Variants in PARP8 observed in about 807,000 individuals in gnomAD.
The protein encoded by PARP8 is protein mono-ADP-ribosyltransferase PARP8.
A neutral mutation model predicts 124.1 loss-of-function variants in PARP8; 51 were observed. That is an observed-to-expected ratio of 0.41 (90% CI 0.33 to 0.52). The LOEUF is 0.52. PARP8 is among the 20% of genes least tolerant of loss of function. The pLI is 0.21. For missense variants in PARP8, 860 were observed against 1,018.9 expected (o/e 0.84, Z 2.12); for synonymous variants, 391 against 361.5 (o/e 1.08, Z -0.93).
intron 14 of PARP8, among the ~76,000 whole-genome samples, chr5:50,804,312 A>G (rs1487569099): frequency 6.6e-6 from 1 of 152,192 alleles, no homozygotes; most frequent in Non-Finnish European, 1.5e-5. Flanking sequence ...CCAGAGAACT[A>G]TCAGACAGCT....
chr5:50,796,769 T>C (rs1235713207), intron 12 of PARP8, among the ~76,000 whole-genome samples: 2 of 152,210 alleles, frequency 1.3e-5, no homozygotes, highest in Non-Finnish European at 2.9e-5. Context: ...GTTCATTTAC[T>C]GTAGGCAAAA....
chr5:50,727,655 G>T (rs1381446418), intron 2 of PARP8, among the ~76,000 whole-genome samples: 2 of 152,104 alleles, frequency 1.3e-5, no homozygotes, highest in East Asian at 3.9e-4. Flanking sequence ...GGGAAGTTTG[G>T]ATTCTACATT....
intron 2 of PARP8, among the ~76,000 whole-genome samples, chr5:50,705,409 A>G (rs2149481122): frequency 6.6e-6 from 1 of 152,320 alleles, no homozygotes; most frequent in East Asian, 1.9e-4. Flanking sequence ...TCTATATTAT[A>G]TATAAACAAT....
intron 4 of PARP8, 76 bp from the exon 5 acceptor site, chr5:50,760,216 A>C: frequency 1.6e-6 from 2 of 1,251,636 alleles, no homozygotes; most frequent in East Asian, 2.9e-5. Context: ...GGGTAGTTTT[A>C]TACCAAAACT....
chr5:50,757,531 G>A (rs1236925052), intron 3 of PARP8, among the ~76,000 whole-genome samples: 1 of 152,020 alleles, frequency 6.6e-6, no homozygotes, highest in African/African-American at 2.4e-5. Context: ...TTTATTTGGG[G>A]TAAATTAAGC....
chr5:50,725,925 T>C (rs189698123), intron 2 of PARP8, among the ~76,000 whole-genome samples: 1 of 152,294 alleles, frequency 6.6e-6, no homozygotes, highest in East Asian at 1.9e-4. Context: ...ATTTTGTGCA[T>C]ATACACAAGA....
intron 2 of PARP8, among the ~76,000 whole-genome samples, chr5:50,696,878 G>C (rs886381853): frequency 7.9e-5 from 12 of 152,036 alleles, no homozygotes; most frequent in Non-Finnish European, 1.6e-4. Context: ...ACCTTCCTCT[G>C]TAACATTGGA....
At chr5:50,680,855 AC>A (rs1028037744) in intron 2 of PARP8, among the ~76,000 whole-genome samples, 54 of 152,142 alleles carry the variant, frequency 3.5e-4, no homozygotes, top group African/African-American at 1.3e-3. Flanking sequence ...CTTTGTTAGG[AC>A]CCAAGGGCAT....
intron 15 of PARP8, among the ~76,000 whole-genome samples, chr5:50,819,086 G>C (rs1454252148): frequency 6.6e-6 from 1 of 152,178 alleles, no homozygotes; most frequent in African/African-American, 2.4e-5. Flanking sequence ...GTGCTTTGCT[G>C]AGCAGCTGCT....
rs1342178334 is a variant in PARP8 at position 50,769,326 on chromosome 5, A to G, written c.518+6084A>G. 2.0e-5 allele frequency among the ~76,000 whole-genome samples: 3 copies of G among 151,928 alleles called. No individual in the cohort carries two copies. The East Asian group carries it at 5.8e-4, about 29-fold the overall frequency. ...CTGTAAACGTACCAGCGTTTTGCCAATGTAAATAAGTTCAAAAGAAAAAAA... is the reference window on the plus strand; with the variant it reads ...CTGTAAACGTACCAGCGTTTTGCCAGTGTAAATAAGTTCAAAAGAAAAAAA... On this transcript the variant is annotated intron_variant, in intron 7 of 25. Transcript: ENST00000281631.
At chr5:50,737,425 G>T (rs1197143948) in intron 2 of PARP8, among the ~76,000 whole-genome samples, 1 of 152,024 alleles carries the variant, frequency 6.6e-6, no homozygotes, top group African/African-American at 2.4e-5. Flanking sequence ...TACTCATTAG[G>T]AGTTTCTGAA....
Position 50,821,067 on chromosome 5 carries a change from G to T in PARP8, c.1669-146G>T, listed in dbSNP as rs1446516520. 4 of 830,796 alleles carry T rather than the reference G, an allele frequency of 4.8e-6. No individual in the cohort carries two copies. The African/African-American group carries it at 6.9e-5, about 14-fold the overall frequency. The allele number at this position is 830,796 out of a possible 1,614,324, so 51.5% of individuals were successfully genotyped here. On this transcript the variant is annotated intron_variant, in intron 15 of 25. Transcript: ENST00000281631. ...TGATGGTAAAGTTTGGTCAAATGTG[G>T]TCTCAAGTCTTGCATTACACATTTG...
At chr5:50,807,322 T>C (rs993442089) in intron 14 of PARP8, among the ~76,000 whole-genome samples, 1 of 152,062 alleles carries the variant, frequency 6.6e-6, no homozygotes, top group African/African-American at 2.4e-5. Context: ...ACTCTCAGAT[T>C]TGAGTCCTGA....
intron 2 of PARP8, among the ~76,000 whole-genome samples, chr5:50,728,980 A>T (rs1756707465): frequency 6.6e-6 from 1 of 152,140 alleles, no homozygotes; most frequent in Non-Finnish European, 1.5e-5. Context: ...ATTGGAACTG[A>T]CTGAGAGTTA....
Position 50,805,379 on chromosome 5 carries a change from A to G in PARP8, c.1575+8146A>G, listed in dbSNP as rs566699805. Among the ~76,000 whole-genome samples, 411 of 152,104 alleles carry G rather than the reference A, an allele frequency of 2.7e-3. 1 individual carries two copies. The highest frequency in any genetic ancestry group is 9.4e-3 in the African/African-American group (390 of 41,534). The stretch of plus-strand genomic sequence containing the variant: ...TATTATTTTTTTATTTGATCATCAC[A>G]CAACTCTTGTGGTTTAGGTACTTTT... On this transcript the variant is annotated intron_variant, in intron 14 of 25. Transcript: ENST00000281631.
chr5:50,775,394 A>G (rs1348247678), intron 7 of PARP8, among the ~76,000 whole-genome samples: 2 of 152,204 alleles, frequency 1.3e-5, no homozygotes, highest in Non-Finnish European at 2.9e-5. Context: ...GTCTCCACCA[A>G]AAATACAAAA....
chr5:50,721,161 T>C (rs982701620), intron 2 of PARP8, among the ~76,000 whole-genome samples: 1 of 151,990 alleles, frequency 6.6e-6, no homozygotes, highest in Non-Finnish European at 1.5e-5. Flanking sequence ...AGTCATCTTA[T>C]AGCCTTCAGT....
intron 3 of PARP8, among the ~76,000 whole-genome samples, chr5:50,755,060 T>A (rs925167252): frequency 2.0e-5 from 3 of 152,202 alleles, no homozygotes; most frequent in Admixed American, 6.5e-5. Context: ...GTTGGAGTTC[T>A]TTGTAGATTC....
intron 2 of PARP8, among the ~76,000 whole-genome samples, chr5:50,675,397 C>T (rs1312100944): frequency 1.4e-4 from 22 of 152,174 alleles, no homozygotes; most frequent in South Asian, 4.1e-4. Flanking sequence ...CTCCGCCCCC[C>T]GGGTTCAAAC....
Sources: gnomAD v4.1 joint callset for allele counts (sites outside exome capture counted in the v4.1 genomes callset) on GRCh38, gnomAD v4.1.1 for gene constraint, MANE v1.5 for transcripts, NCBI Gene and HGNC (gene_info 2026-07-23, HGNC 2026-07-21) for gene names.